The following OLA1 variants were observed in gnomAD, a reference collection of about 807,000 sequenced individuals.
OLA1 encodes the protein obg-like ATPase 1.
A neutral mutation model predicts 48.4 loss-of-function variants in OLA1; 14 were observed. The ratio of observed to expected loss-of-function variants is 0.29; its 90% CI spans 0.19 to 0.45. The LOEUF (loss-of-function observed/expected upper bound fraction) is 0.45, where lower values mean the gene tolerates loss of function less well. Among genes scored for constraint, OLA1 ranks in the 20% least tolerant of loss-of-function variants. The pLI is 1.00. For missense variants in OLA1, 325 were observed against 467.1 expected (o/e 0.70, Z 2.80); for synonymous variants, 127 against 150.4 (o/e 0.84, Z 1.14).
chr2:174,213,527 A>G (rs541455529), intron 4 of OLA1, among the ~76,000 whole-genome samples: 120 of 152,346 alleles, frequency 7.9e-4, no homozygotes, highest in African/African-American at 2.8e-3. Context: ...GGTGAAATCA[A>G]TAGCTTCATC....
intron 4 of OLA1, among the ~76,000 whole-genome samples, chr2:174,167,542 C>T (rs573860569): frequency 3.1e-4 from 47 of 152,336 alleles, no homozygotes; most frequent in African/African-American, 1.1e-3. Context: ...CACCATTGCA[C>T]TCCAGCCTGG....
intron 2 of OLA1, among the ~76,000 whole-genome samples, chr2:174,235,187 A>G (rs1176264331): frequency 6.6e-6 from 1 of 152,042 alleles, no homozygotes; most frequent in East Asian, 1.9e-4. Context: ...TAAAACGTAA[A>G]ACCCATTAAT....
intron 4 of OLA1, among the ~76,000 whole-genome samples, chr2:174,199,863 C>G (rs1687954187): frequency 6.6e-6 from 1 of 152,118 alleles, no homozygotes; most frequent in Non-Finnish European, 1.5e-5. Flanking sequence ...AAATACTCTT[C>G]CCTTTTCTAA....
At chr2:174,153,160 GA>G (rs1481202280) in intron 4 of OLA1, among the ~76,000 whole-genome samples, 6 of 152,196 alleles carry the variant, frequency 3.9e-5, no homozygotes, top group Non-Finnish European at 8.8e-5. Flanking sequence ...ATTCCTACAG[GA>G]CTTTCACGCA....
intron 4 of OLA1, among the ~76,000 whole-genome samples, chr2:174,212,714 T>G (rs1688270999): frequency 6.6e-6 from 1 of 152,186 alleles, no homozygotes; most frequent in Admixed American, 6.5e-5. Flanking sequence ...TTTAAACCTT[T>G]TTGTTAAAAA....
chr2:174,080,085 T>C (rs1684825149), intron 9 of OLA1, among the ~76,000 whole-genome samples: 1 of 152,092 alleles, frequency 6.6e-6, no homozygotes, highest in African/African-American at 2.4e-5. Context: ...TGGATTTGCT[T>C]TGACATTATT....
chr2:174,195,100 C>T (rs1687855622), intron 4 of OLA1, among the ~76,000 whole-genome samples: 1 of 152,144 alleles, frequency 6.6e-6, no homozygotes, highest in Admixed American at 6.5e-5. Flanking sequence ...GTTGTAATAA[C>T]ATTATTTCTA....
At chr2:174,116,583 A>G (rs1226444822) in intron 7 of OLA1, among the ~76,000 whole-genome samples, 4 of 152,202 alleles carry the variant, frequency 2.6e-5, no homozygotes, top group African/African-American at 4.8e-5. Context: ...AGGAAAAAAG[A>G]TCAGGTCTTA....
intron 5 of OLA1, among the ~76,000 whole-genome samples, chr2:174,126,764 T>C (rs996052265): frequency 6.6e-6 from 1 of 152,214 alleles, no homozygotes. Flanking sequence ...GTTGCCATTG[T>C]TGTTATGATT....
At chr2:174,190,066 A>C (rs1288584073) in intron 4 of OLA1, among the ~76,000 whole-genome samples, 1 of 152,006 alleles carries the variant, frequency 6.6e-6, no homozygotes, top group Non-Finnish European at 1.5e-5. Context: ...ACTTCAGTGT[A>C]CCTGGTAGGC....
rs74880196 is a variant in OLA1, at chr2:174,220,388, C to T, written c.373+2645G>A. Among the ~76,000 whole-genome samples the T allele has an allele frequency of 3.1e-3, 465 of 152,254 alleles. 5 individuals are homozygous for T. Among genetic ancestry groups the T allele is most frequent in the African/African-American group, 0.01 (419 of 41,540 alleles). On this transcript the variant is annotated intron_variant, in intron 4 of 10. Transcript: ENST00000284719. ...TAACTTAGTTCCCATTCAGCTTTTACCTCTCAGCATCACTGTCACCTCCTC... is the reference window on the plus strand; with the variant it reads ...TAACTTAGTTCCCATTCAGCTTTTATCTCTCAGCATCACTGTCACCTCCTC...
At chr2:174,188,830 T>C (rs936681152) in intron 4 of OLA1, among the ~76,000 whole-genome samples, 5 of 152,210 alleles carry the variant, frequency 3.3e-5, no homozygotes, top group African/African-American at 7.2e-5. Flanking sequence ...ATAAATTTCA[T>C]GTTTAGACTT....
chr2:174,124,649 G>T (rs948607984), intron 5 of OLA1, among the ~76,000 whole-genome samples: 2 of 152,084 alleles, frequency 1.3e-5, no homozygotes, highest in Non-Finnish European at 2.9e-5. Context: ...CTGGGTGTCT[G>T]TTGTTGTTGT....
At chr2:174,114,635 C>A (rs1209669970) in intron 7 of OLA1, among the ~76,000 whole-genome samples, 3 of 152,090 alleles carry the variant, frequency 2.0e-5, no homozygotes, top group Non-Finnish European at 4.4e-5. Context: ...ATAATACATT[C>A]TTTTAAAAGA....
Position 174,083,629 on chromosome 2 carries a change from G to A in OLA1, c.729-1565C>T, listed in dbSNP as rs116413295. 2.7e-3 allele frequency among the ~76,000 whole-genome samples: 410 copies of A among 152,106 alleles called. 2 individuals carry two copies. Among genetic ancestry groups the A allele is most frequent in the African/African-American group, 9.1e-3 (376 of 41,498 alleles). On this transcript the variant is annotated intron_variant, in intron 7 of 10. Coordinates refer to ENST00000284719, the MANE Select transcript of OLA1 (RefSeq NM_013341.5). ...GACTGAAATTGGTGCTTCTGTCTCCGTTAACATTATGGTATTCTAAGTTAC... is the reference window on the plus strand; with the variant it reads ...GACTGAAATTGGTGCTTCTGTCTCCATTAACATTATGGTATTCTAAGTTAC...
chr2:174,157,124 C>T (rs1686905762), intron 4 of OLA1, among the ~76,000 whole-genome samples: 1 of 151,916 alleles, frequency 6.6e-6, no homozygotes, highest in African/African-American at 2.4e-5. Flanking sequence ...GGCATGTCAT[C>T]CACTTGGAGG....
intron 4 of OLA1, among the ~76,000 whole-genome samples, chr2:174,184,965 C>G (rs1687621268): frequency 6.6e-6 from 1 of 152,152 alleles, no homozygotes; most frequent in Admixed American, 6.5e-5. Flanking sequence ...ATAAATAAGG[C>G]TATGGAAGTG....
chr2:174,163,442 CT>C (rs1687060430), intron 4 of OLA1, among the ~76,000 whole-genome samples: 1 of 151,706 alleles, frequency 6.6e-6, no homozygotes, highest in African/African-American at 2.4e-5. Flanking sequence ...AATCCCAGAA[CT>C]TTGGGAGGCC....
intron 2 of OLA1, among the ~76,000 whole-genome samples, chr2:174,230,756 A>G (rs1257471724): frequency 6.6e-6 from 1 of 152,228 alleles, no homozygotes; most frequent in Non-Finnish European, 1.5e-5. Context: ...GCTGGAAGTA[A>G]GTGAGAAACT....
Sources: gnomAD v4.1 joint callset for allele counts (sites outside exome capture counted in the v4.1 genomes callset) on GRCh38, gnomAD v4.1.1 for gene constraint, MANE v1.5 for transcripts, NCBI Gene and HGNC (gene_info 2026-07-23, HGNC 2026-07-21) for gene names.